AKAP6: variants seen among roughly 807,000 people sequenced by gnomAD.
AKAP6 encodes the protein A-kinase anchor protein 6.
A neutral mutation model predicts 188.5 loss-of-function variants in AKAP6; 58 were observed. That is an observed-to-expected ratio of 0.31 (90% CI 0.25 to 0.38). The LOEUF is 0.38. AKAP6 is among the 10% of genes least tolerant of loss of function. AKAP6 has a pLI of 1.00. For synonymous variants in AKAP6, 989 were observed against 998.6 expected (o/e 0.99, Z 0.18); for missense variants, 2,710 against 2,740.0 (o/e 0.99, Z 0.24).
intron 8 of AKAP6, among the ~76,000 whole-genome samples, chr14:32,684,277 A>G (rs1432998664): frequency 6.6e-6 from 1 of 152,134 alleles, no homozygotes; most frequent in Non-Finnish European, 1.5e-5. Context: ...TGAACATAAC[A>G]TTGTCTTTAA....
At chr14:32,817,061 C>A (rs1035412842) in intron 12 of AKAP6, among the ~76,000 whole-genome samples, 1 of 152,032 alleles carries the variant, frequency 6.6e-6, no homozygotes, top group African/African-American at 2.4e-5. Flanking sequence ...TATCTAGAGG[C>A]GGCTACATCA....
chr14:32,504,439 C>T (rs1199643853), intron 2 of AKAP6, among the ~76,000 whole-genome samples: 1 of 152,036 alleles, frequency 6.6e-6, no homozygotes, highest in African/African-American at 2.4e-5. Flanking sequence ...TGCCACCACA[C>T]CTGGCTAATT....
intron 2 of AKAP6, among the ~76,000 whole-genome samples, chr14:32,510,740 A>G (rs866292926): frequency 2.6e-5 from 4 of 152,230 alleles, no homozygotes; most frequent in Middle Eastern, 3.4e-3. Context: ...TTCTAACTTC[A>G]AGATGGCCTC....
At position 32,833,273 on chromosome 14, in the gene AKAP6, G is replaced by A. The variant is rs1213914040; in HGVS notation, c.*3468G>A. 2 of 152,184 alleles carry A rather than the reference G, an allele frequency of 1.3e-5. No homozygotes were observed. Among genetic ancestry groups the A allele is most frequent in the African/African-American group, 4.8e-5 (2 of 41,438 alleles). 9.4% of individuals were successfully genotyped at this position (152,184 alleles called of 1,614,324 possible). A position where few individuals can be genotyped will look rare whatever the true frequency, so the allele number is the denominator to read the frequency against. On this transcript the variant is annotated 3_prime_UTR_variant, in exon 14 of 14. Coordinates refer to ENST00000280979, the MANE Select transcript of AKAP6 (RefSeq NM_004274.5). ...TAAAGGCAACTAACACATGGTATCT[G>A]TCTCCAAAGGTTTACAGCTTTTCTT...
intron 9 of AKAP6, among the ~76,000 whole-genome samples, chr14:32,730,149 T>C (rs1232630871): frequency 6.6e-6 from 1 of 152,162 alleles, no homozygotes; most frequent in Non-Finnish European, 1.5e-5. Flanking sequence ...GCTTCAAAAA[T>C]TAAAATAAAT....
At chr14:32,535,051 T>C (rs1173960460) in intron 2 of AKAP6, among the ~76,000 whole-genome samples, 1 of 150,192 alleles carries the variant, frequency 6.7e-6, no homozygotes, top group Non-Finnish European at 1.5e-5. Context: ...AGAGTGACAA[T>C]TGCCCCTTAC....
chr14:32,627,420 T>C (rs1887068718), intron 7 of AKAP6, among the ~76,000 whole-genome samples: 1 of 152,118 alleles, frequency 6.6e-6, no homozygotes, highest in African/African-American at 2.4e-5. Flanking sequence ...TGGGTTTGAG[T>C]TGCCACAAAT....
intron 12 of AKAP6, among the ~76,000 whole-genome samples, chr14:32,800,187 CACATATATATACAT>C (rs2033906914): frequency 2.1e-5 from 3 of 145,052 alleles, no homozygotes; most frequent in Non-Finnish European, 3.0e-5. Flanking sequence ...TATATATATA[CACATATATATACAT>C]ATATATACAC....
rs1881184399 is a variant in AKAP6 at position 32,510,455 on chromosome 14, TATATGTGTATATATATATATACATA to T, written c.325-25098_325-25074del. Among the ~76,000 whole-genome samples, 2 of 86,690 alleles carry T rather than the reference TATATGTGTATATATATATATACATA, an allele frequency of 2.3e-5. 1 individual carries two copies. The highest frequency in any genetic ancestry group is 9.0e-5 in the African/African-American group (2 of 22,124). 56.9% of individuals were successfully genotyped at this position (86,690 alleles called of 152,430 possible). On this transcript the variant is annotated intron_variant, in intron 2 of 13. Coordinates refer to ENST00000280979, the MANE Select transcript of AKAP6 (RefSeq NM_004274.5). ...ATATATGTGTATATATATATACATA[TATATGTGTATATATATATATACATA>T]TATATATGTGTATATATATATATAT...
intron 2 of AKAP6, among the ~76,000 whole-genome samples, chr14:32,447,689 T>C (rs1206866539): frequency 1.3e-5 from 2 of 152,214 alleles, no homozygotes; most frequent in Non-Finnish European, 2.9e-5. Context: ...TTAATTCAAC[T>C]CTTCAAAATT....
rs142506075 is a variant in AKAP6, at chr14:32,463,872, G to C, written c.324+30055G>C. On this transcript the variant is annotated intron_variant, in intron 2 of 13. Coordinates refer to ENST00000280979, the MANE Select transcript of AKAP6 (RefSeq NM_004274.5). The stretch of plus-strand genomic sequence containing the variant: ...CAAGACTAATAAAGAAGGAAACAGA[G>C]AAGAATCAAATAGACACAATAAAAA... 8.9e-3 allele frequency among the ~76,000 whole-genome samples: 1,350 copies of C among 152,010 alleles called. 23 individuals are homozygous for C. The highest frequency in any genetic ancestry group is 0.031 in the African/African-American group (1,295 of 41,452).
intron 7 of AKAP6, among the ~76,000 whole-genome samples, chr14:32,611,396 G>T (rs1326077706): frequency 6.6e-6 from 1 of 152,172 alleles, no homozygotes; most frequent in African/African-American, 2.4e-5. Flanking sequence ...TGAGAACAAA[G>T]ATTTAGTAAG....
chr14:32,812,783 G>A (rs1200523021), intron 12 of AKAP6, among the ~76,000 whole-genome samples: 1 of 152,144 alleles, frequency 6.6e-6, no homozygotes, highest in East Asian at 1.9e-4. Flanking sequence ...TGAGGTTATT[G>A]CACCTGAGAA....
intron 2 of AKAP6, among the ~76,000 whole-genome samples, chr14:32,499,706 TG>T (rs1189219986): frequency 6.6e-6 from 1 of 151,708 alleles, no homozygotes; most frequent in African/African-American, 2.4e-5. Context: ...ATCTTATCAT[TG>T]GTATGTATTA....
chr14:32,340,099 G>T (rs1886843278), intron 1 of AKAP6, among the ~76,000 whole-genome samples: 1 of 151,752 alleles, frequency 6.6e-6, no homozygotes, highest in Non-Finnish European at 1.5e-5. Flanking sequence ...AGAAGGCAGT[G>T]TTCTGGTTAT....
intron 7 of AKAP6, among the ~76,000 whole-genome samples, 177 bp from the exon 8 acceptor site, chr14:32,678,134 A>G (rs952672341): frequency 1.1e-4 from 16 of 152,246 alleles, no homozygotes; most frequent in Admixed American, 1.0e-3. Context: ...GGAGGAACTT[A>G]TAAGATTCAG....
intron 7 of AKAP6, among the ~76,000 whole-genome samples, chr14:32,604,972 G>T (rs1010007158): frequency 1.3e-5 from 2 of 151,844 alleles, no homozygotes; most frequent in Non-Finnish European, 2.9e-5. Context: ...TGCTCTCCCC[G>T]CACCTGTCCC....
intron 4 of AKAP6, among the ~76,000 whole-genome samples, chr14:32,560,677 AAAAGATGGATAAACTC>A (rs760431896): frequency 1.1e-4 from 16 of 152,240 alleles, no homozygotes; most frequent in Non-Finnish European, 1.8e-4. Flanking sequence ...GATGAAACTC[AAAAGATGGATAAACTC>A]AACATTGCGT....
chr14:32,448,660 G>A (rs150296646), intron 2 of AKAP6, among the ~76,000 whole-genome samples: 2 of 152,120 alleles, frequency 1.3e-5, no homozygotes, highest in Non-Finnish European at 1.5e-5. Context: ...ACTATAAACT[G>A]TCTTCTCAAG....
Sources: gnomAD v4.1 joint callset for allele counts (sites outside exome capture counted in the v4.1 genomes callset) on GRCh38, gnomAD v4.1.1 for gene constraint, MANE v1.5 for transcripts, NCBI Gene and HGNC (gene_info 2026-07-23, HGNC 2026-07-21) for gene names.